Variants in SCFD2 observed in about 807,000 individuals in gnomAD.
SCFD2 encodes the protein sec1 family domain containing 2.
SCFD2 carries 54 observed loss-of-function variants against 58.9 expected under a neutral mutation model. The ratio of observed to expected loss-of-function variants is 0.92; its 90% confidence interval spans 0.74 to 1.15. The LOEUF is 1.15. SCFD2 is among the 50% of genes most tolerant of loss of function. SCFD2 has a pLI of 0.00. For missense variants in SCFD2, 805 were observed against 836.6 expected (o/e 0.96, Z 0.47); for synonymous variants, 321 against 335.9 (o/e 0.96, Z 0.49).
chr4:52,881,858 T>C (rs186417515), intron 8 of SCFD2, among the ~76,000 whole-genome samples: 1 of 152,266 alleles, frequency 6.6e-6, no homozygotes, highest in East Asian at 1.9e-4. Flanking sequence ...TTCATGAATA[T>C]CCACTAAGTG....
At chr4:53,213,591 T>C in intron 4 of SCFD2, among the ~76,000 whole-genome samples, 1 of 152,098 alleles carries the variant, frequency 6.6e-6, no homozygotes, top group Admixed American at 6.6e-5. Context: ...ATAAAAGTAT[T>C]AGTGGAATTC....
chr4:52,970,432 T>A (rs962978196), intron 5 of SCFD2, among the ~76,000 whole-genome samples: 1 of 152,114 alleles, frequency 6.6e-6, no homozygotes, highest in Non-Finnish European at 1.5e-5. Context: ...AGCACAGCAG[T>A]CTGAGATCAA....
chr4:52,965,030 C>A (rs547212242), intron 5 of SCFD2, among the ~76,000 whole-genome samples: 1 of 152,078 alleles, frequency 6.6e-6, no homozygotes, highest in South Asian at 2.1e-4. Context: ...CACACACACA[C>A]ACACAGTGCT....
intron 5 of SCFD2, among the ~76,000 whole-genome samples, chr4:53,032,799 C>A (rs1263993169): frequency 6.6e-6 from 1 of 152,036 alleles, no homozygotes; most frequent in Non-Finnish European, 1.5e-5. Flanking sequence ...ACCCAATACA[C>A]AAGCACCCAG....
At position 52,885,814 on chromosome 4, in the gene SCFD2, C is replaced by G; in HGVS notation, c.1895G>C (p.Gly632Ala). The change falls in exon 8 of 9, where the codon GGT becomes GCT. Residue 632 changes from glycine to alanine, a missense_variant. Physicochemically the swap from Gly to Ala is moderately conservative, Grantham distance 60. Coordinates refer to ENST00000401642, the MANE Select transcript of SCFD2 (RefSeq NM_152540.4). ...TTTCACTTCAGAGACTGTGACCCCA[C>G]CTACCACAAAGAGGATCAGGAGGGG... ...DYPLLILFVVGGVTVSEVKMV... is the reference protein window; with the variant it reads ...DYPLLILFVVAGVTVSEVKMV... 6.2e-7 allele frequency: 1 copy of G among 1,614,162 alleles called. No individual in the cohort carries two copies. Among genetic ancestry groups the G allele is most frequent in the East Asian group, 2.2e-5 (1 of 44,892 alleles).
At chr4:52,928,683 T>C (rs1292704534) in intron 5 of SCFD2, among the ~76,000 whole-genome samples, 3 of 152,172 alleles carry the variant, frequency 2.0e-5, no homozygotes, top group Non-Finnish European at 4.4e-5. Context: ...CTATAGTTAT[T>C]GCTCCTATTG....
chr4:52,971,912 A>T (rs1273582101), intron 5 of SCFD2, among the ~76,000 whole-genome samples: 2 of 152,314 alleles, frequency 1.3e-5, no homozygotes, highest in South Asian at 2.1e-4. Context: ...TATCCAGCCA[A>T]ACTAAGCTTC....
chr4:52,955,077 C>T (rs956112220), intron 5 of SCFD2, among the ~76,000 whole-genome samples: 3 of 152,196 alleles, frequency 2.0e-5, no homozygotes, highest in Admixed American at 2.0e-4. Context: ...TCGAGCTTCA[C>T]CTTTGTCCTC....
In SCFD2 at chr4:53,216,747, A is replaced by C. The variant is rs933684710; in HGVS notation, c.1311+57079T>G. On this transcript the variant is annotated intron_variant, in intron 4 of 8. Transcript: ENST00000401642. ...CTTCTAATTGTGATGTTAGGGTGTCAATTTTAGATCTTTCCTGCTTTCTCT... is the reference window on the plus strand; with the variant it reads ...CTTCTAATTGTGATGTTAGGGTGTCCATTTTAGATCTTTCCTGCTTTCTCT... Among the ~76,000 whole-genome samples the C allele has an allele frequency of 4.5e-3, 681 of 152,116 alleles. 3 individuals are homozygous for C. Among genetic ancestry groups the C allele is most frequent in the Non-Finnish European group, 7.2e-3 (487 of 67,978 alleles).
intron 5 of SCFD2, among the ~76,000 whole-genome samples, chr4:53,100,426 C>T (rs1724798905): frequency 6.6e-6 from 1 of 152,102 alleles, no homozygotes; most frequent in Admixed American, 6.6e-5. Flanking sequence ...TGTACACATG[C>T]ATGTGTGCAT....
chr4:53,341,273 G>A (rs1345281250), intron 2 of SCFD2, among the ~76,000 whole-genome samples: 1 of 152,122 alleles, frequency 6.6e-6, no homozygotes, highest in African/African-American at 2.4e-5. Flanking sequence ...TGACCTGGTG[G>A]AGCTGAAAAC....
intron 3 of SCFD2, among the ~76,000 whole-genome samples, chr4:53,304,367 T>G (rs1056431444): frequency 6.6e-6 from 1 of 152,154 alleles, no homozygotes; most frequent in Non-Finnish European, 1.5e-5. Context: ...AATTTGAACG[T>G]TGGCCTGTCT....
chr4:53,357,091 T>C (rs947272783), intron 1 of SCFD2, among the ~76,000 whole-genome samples: 2 of 152,136 alleles, frequency 1.3e-5, no homozygotes, highest in Non-Finnish European at 2.9e-5. Context: ...ATTTCCCCTA[T>C]TCCTTGAGTA....
At chr4:53,201,671 T>A (rs1189699155) in intron 4 of SCFD2, among the ~76,000 whole-genome samples, 1 of 152,162 alleles carries the variant, frequency 6.6e-6, no homozygotes, top group African/African-American at 2.4e-5. Context: ...TTTCTCCACA[T>A]CCTCTCCAGC....
rs56263068 is a variant in SCFD2 at position 53,338,575 on chromosome 4, C to CTTTTTTTTTTTTTTTTTTTTT, written c.1007+14002_1007+14022dup. ...GGCCAAAAGAAAGCAGTATATTTTT[C>CTTTTTTTTTTTTTTTTTTTTT]TTTTTTTTTTTTTTTTTTTTTGTGA... On this transcript the variant is annotated intron_variant, in intron 2 of 8. Coordinates refer to ENST00000401642, the MANE Select transcript of SCFD2 (RefSeq NM_152540.4). Among the ~76,000 whole-genome samples the CTTTTTTTTTTTTTTTTTTTTT allele has an allele frequency of 1.2e-3, 90 of 72,314 alleles. 24 individuals are homozygous for CTTTTTTTTTTTTTTTTTTTTT. Among genetic ancestry groups the CTTTTTTTTTTTTTTTTTTTTT allele is most frequent in the East Asian group, 2.1e-3 (4 of 1,882 alleles). The allele number at this position is 72,314 out of a possible 152,430, so 47.4% of individuals were successfully genotyped here.
chr4:53,117,173 C>A (rs1306940060), intron 5 of SCFD2, among the ~76,000 whole-genome samples: 3 of 152,130 alleles, frequency 2.0e-5, no homozygotes, highest in African/African-American at 4.8e-5. Flanking sequence ...AGCTGCTGTG[C>A]CCCACCCCAG....
chr4:53,098,242 G>C (rs1459864441), intron 5 of SCFD2, among the ~76,000 whole-genome samples: 2 of 152,166 alleles, frequency 1.3e-5, no homozygotes, highest in Non-Finnish European at 1.5e-5. Context: ...AAATGAGTTA[G>C]GGAGGATTCC....
At chr4:53,227,359 C>G (rs778162492) in intron 4 of SCFD2, among the ~76,000 whole-genome samples, 2 of 152,086 alleles carry the variant, frequency 1.3e-5, no homozygotes, top group African/African-American at 4.8e-5. Flanking sequence ...CAGTGAAATT[C>G]TCCTGTGTAG....
rs183857889 is a variant in SCFD2, at chr4:53,204,266, T to G, written c.1312-58684A>C. ...AGTTTCTAACATGGAATATGGAAGA[T>G]AAAACAACTTTTTTTAAAAAAGCAA... On this transcript the variant is annotated intron_variant, in intron 4 of 8. Coordinates refer to ENST00000401642, the MANE Select transcript of SCFD2 (RefSeq NM_152540.4). Among the ~76,000 whole-genome samples the G allele has an allele frequency of 6.6e-4, 100 of 151,900 alleles. 1 individual carries two copies. The highest frequency in any genetic ancestry group is 9.6e-4 in the Non-Finnish European group (65 of 67,952).
Sources: allele counts gnomAD v4.1 joint callset (sites outside exome capture counted in the v4.1 genomes callset), GRCh38; gene constraint gnomAD v4.1.1; transcripts MANE v1.5; gene names NCBI Gene and HGNC (gene_info 2026-07-23, HGNC 2026-07-21).